ILRUN: variants seen among roughly 807,000 people sequenced by gnomAD.
The protein encoded by ILRUN is protein ILRUN.
A neutral mutation model predicts 33.8 loss-of-function variants in ILRUN; 3 were observed. The ratio of observed to expected loss-of-function variants is 0.09; its 90% CI spans 0.04 to 0.23. ILRUN has a LOEUF of 0.23. Among genes scored for constraint, ILRUN ranks in the 10% least tolerant of loss-of-function variants. The pLI, the probability that ILRUN is intolerant of heterozygous loss-of-function variation, is 1.00. For synonymous variants in ILRUN, 124 were observed against 138.9 expected (o/e 0.89, Z 0.75); for missense variants, 210 against 375.1 (o/e 0.56, Z 3.64).
intron 3 of ILRUN, among the ~76,000 whole-genome samples, chr6:34,612,912 G>A (rs544803230): frequency 1.3e-5 from 2 of 152,176 alleles, no homozygotes; most frequent in African/African-American, 4.8e-5. Context: ...GCATGGTGGT[G>A]GGCACCTGTA....
At chr6:34,677,976 C>T (rs770807958) in intron 1 of ILRUN, among the ~76,000 whole-genome samples, 3 of 144,240 alleles carry the variant, frequency 2.1e-5, no homozygotes, top group Non-Finnish European at 3.0e-5. Context: ...AAAAGTGTTG[C>T]GATTACAGGT....
intron 1 of ILRUN, among the ~76,000 whole-genome samples, chr6:34,687,711 AT>A (rs1327236592): frequency 1.5e-4 from 18 of 123,322 alleles, no homozygotes; most frequent in African/African-American, 4.4e-4. Flanking sequence ...AAAAAAAAAT[AT>A]ATATATATAT....
intron 4 of ILRUN, chr6:34,595,832 T>A (rs931744660): frequency 2.0e-6 from 2 of 985,286 alleles, no homozygotes; most frequent in African/African-American, 3.5e-5. Flanking sequence ...GCTCTCTTGG[T>A]GTATACTGAT....
In ILRUN at chr6:34,688,402, C is replaced by CA. The variant is rs10573054; in HGVS notation, c.158+8043dup. On this transcript the variant is annotated intron_variant, in intron 1 of 4. Coordinates refer to ENST00000374023, the MANE Select transcript of ILRUN (RefSeq NM_024294.4). ...TGGGCAACAGAATGAGACCCTGTCT[C>CA]AAAAAAAAAAAAAAAAAATGAAGTA... 5.9e-3 allele frequency among the ~76,000 whole-genome samples: 550 copies of CA among 93,964 alleles called. 5 individuals are homozygous for CA. The highest frequency in any genetic ancestry group is 0.011 in the African/African-American group (319 of 29,932). The allele number at this position is 93,964 out of a possible 152,430, so 61.6% of individuals were successfully genotyped here.
At chr6:34,624,513 T>A (rs528878164) in intron 3 of ILRUN, among the ~76,000 whole-genome samples, 7 of 151,980 alleles carry the variant, frequency 4.6e-5, no homozygotes, top group Middle Eastern at 6.8e-3. Flanking sequence ...GTTTTTTTTT[T>A]AGTAAAGATG....
At chr6:34,628,206 A>G (rs2127346716) in intron 3 of ILRUN, among the ~76,000 whole-genome samples, 1 of 152,022 alleles carries the variant, frequency 6.6e-6, no homozygotes, top group South Asian at 2.1e-4. Context: ...TTTTTAGTAG[A>G]GACGAGGTTT....
intron 1 of ILRUN, among the ~76,000 whole-genome samples, chr6:34,681,845 A>ATTTTTTT (rs1168522578): frequency 1.2e-5 from 1 of 85,404 alleles, no homozygotes; most frequent in Non-Finnish European, 2.2e-5. Flanking sequence ...CCACCACTAC[A>ATTTTTTT]TTTTTTTTTT....
intron 3 of ILRUN, among the ~76,000 whole-genome samples, chr6:34,641,862 T>C (rs1273070763): frequency 6.6e-6 from 1 of 151,686 alleles, no homozygotes; most frequent in Non-Finnish European, 1.5e-5. Flanking sequence ...AAATTAAATC[T>C]AAAAAAAAGA....
intron 1 of ILRUN, among the ~76,000 whole-genome samples, chr6:34,675,410 A>G (rs764810081): frequency 1.6e-4 from 25 of 152,240 alleles, no homozygotes; most frequent in Admixed American, 1.4e-3. Flanking sequence ...ATAAATGGGA[A>G]AACTGACTAA....
chr6:34,624,815 A>C lies in ILRUN; in HGVS notation c.512-17911T>G. Among the ~76,000 whole-genome samples, 4 of 152,370 alleles carry C rather than the reference A, an allele frequency of 2.6e-5. No individual in the cohort carries two copies. In the Middle Eastern group the frequency reaches 0.014, roughly 518 times the overall value. On this transcript the variant is annotated intron_variant, in intron 3 of 4. Transcript: ENST00000374023. ...GAAACTCAAACCCTATTTTGGATAC[A>C]ATTATGAACAAAAAGTATAAAACAT... is the stretch of plus-strand genomic sequence containing the variant.
At chr6:34,634,488 G>T (rs1050742029) in intron 3 of ILRUN, among the ~76,000 whole-genome samples, 1 of 151,904 alleles carries the variant, frequency 6.6e-6, no homozygotes, top group Non-Finnish European at 1.5e-5. Context: ...CCATAAAATT[G>T]AACACAGAAT....
At chr6:34,602,138 AAC>A (rs1484023406) in intron 4 of ILRUN, among the ~76,000 whole-genome samples, 1 of 152,194 alleles carries the variant, frequency 6.6e-6, no homozygotes, top group Admixed American at 6.5e-5. Context: ...AGAAAGAACA[AAC>A]ACAATATAAG....
Position 34,606,721 on chromosome 6 carries a change from C to A in ILRUN, c.695G>T (p.Gly232Val), listed in dbSNP as rs766048503. Residue 232 changes from glycine to valine, a missense_variant, in exon 4 of 5, where the codon GGC becomes GTC. Transcript: ENST00000374023. Reference sequence around the variant, plus strand: ...TTTGCTGATCGAGTCGAACTCGGAGCCCCCAGGGTCTTTTAAGTTGTTTTC... The same window carrying A: ...TTTGCTGATCGAGTCGAACTCGGAGACCCCAGGGTCTTTTAAGTTGTTTTC... ...SDENNLKDPGGSEFDSISKNT... is the reference protein window; with the variant it reads ...SDENNLKDPGVSEFDSISKNT... 29 of 1,614,104 alleles carry A rather than the reference C, an allele frequency of 1.8e-5. No individual in the cohort carries two copies. The highest frequency in any genetic ancestry group is 2.5e-5 in the Non-Finnish European group (29 of 1,180,014).
intron 3 of ILRUN, among the ~76,000 whole-genome samples, chr6:34,608,511 G>C (rs889922483): frequency 1.3e-5 from 2 of 152,196 alleles, no homozygotes; most frequent in Non-Finnish European, 2.9e-5. Context: ...AAGTTGATCT[G>C]GGTGAGTCAG....
intron 1 of ILRUN, among the ~76,000 whole-genome samples, chr6:34,673,661 C>T (rs962914512): frequency 2.0e-5 from 3 of 152,174 alleles, no homozygotes; most frequent in Non-Finnish European, 2.9e-5. Flanking sequence ...GAGTTCAAAA[C>T]TAGCCTGGGC....
In ILRUN at chr6:34,657,687, T is replaced by C. The variant is rs530159548; in HGVS notation, c.159-2908A>G. Among the ~76,000 whole-genome samples the C allele has an allele frequency of 2.6e-5, 4 of 152,292 alleles. No homozygotes were observed. In the East Asian group the frequency reaches 5.8e-4, roughly 22 times the overall value. On this transcript the variant is annotated intron_variant, in intron 1 of 4. Coordinates refer to ENST00000374023, the MANE Select transcript of ILRUN (RefSeq NM_024294.4). ...CATCAAGCAGGTACACAGCTACAAA[T>C]GTGGGGTACACAGCTTCTCAGAGTT...
At chr6:34,667,838 T>C (rs1046078410) in intron 1 of ILRUN, among the ~76,000 whole-genome samples, 2 of 152,138 alleles carry the variant, frequency 1.3e-5, no homozygotes, top group Non-Finnish European at 2.9e-5. Context: ...GCGAAGGAAC[T>C]GTTCTAGATA....
chr6:34,591,585 C>T (rs1438553112), intron 4 of ILRUN, among the ~76,000 whole-genome samples: 1 of 151,836 alleles, frequency 6.6e-6, no homozygotes, highest in Non-Finnish European at 1.5e-5. Context: ...CTGCGAGCTC[C>T]GCCTACCAGG....
At chr6:34,638,079 A>G (rs988187921) in intron 3 of ILRUN, among the ~76,000 whole-genome samples, 1 of 151,706 alleles carries the variant, frequency 6.6e-6, no homozygotes, top group Non-Finnish European at 1.5e-5. Context: ...GTAGAGATGG[A>G]GTTTCACCAT....
Sources: gnomAD v4.1 joint callset for allele counts (sites outside exome capture counted in the v4.1 genomes callset) on GRCh38, gnomAD v4.1.1 for gene constraint, MANE v1.5 for transcripts, NCBI Gene and HGNC (gene_info 2026-07-23, HGNC 2026-07-21) for gene names.